The following EML6 variants were observed in gnomAD, a reference collection of about 807,000 sequenced individuals.
EML6 encodes echinoderm microtubule-associated protein-like 6.
EML6 carries 154 observed loss-of-function variants against 240.1 expected under a neutral mutation model. The ratio of observed to expected loss-of-function variants is 0.64; its 90% CI spans 0.56 to 0.73. The LOEUF (loss-of-function observed/expected upper bound fraction) is 0.73. Among genes scored for constraint, EML6 ranks in the 30% least tolerant of loss-of-function variants. EML6 has a pLI of 0.00. For synonymous variants in EML6, 1,148 were observed against 899.0 expected (o/e 1.28, Z -4.95); for missense variants, 2,964 against 2,474.6 (o/e 1.20, Z -4.20).
intron 32 of EML6, among the ~76,000 whole-genome samples, chr2:54,955,151 C>A (rs1447592338): frequency 6.6e-6 from 1 of 152,238 alleles, no homozygotes; most frequent in Non-Finnish European, 1.5e-5. Flanking sequence ...TGTTCTCATT[C>A]TCTGGTTCAC....
chr2:54,818,141 C>A (rs1668161106), intron 4 of EML6, among the ~76,000 whole-genome samples: 1 of 152,038 alleles, frequency 6.6e-6, no homozygotes, highest in Non-Finnish European at 1.5e-5. Flanking sequence ...GAATTTTGGG[C>A]CTTATCACCT....
intron 2 of EML6, among the ~76,000 whole-genome samples, chr2:54,727,498 C>T (rs1200915659): frequency 1.3e-5 from 2 of 152,232 alleles, no homozygotes; most frequent in African/African-American, 4.8e-5. Context: ...CTGGTGAAGA[C>T]ACTGCACAAA....
Position 54,970,890 on chromosome 2 carries a change from T to C in EML6, c.*795T>C, listed in dbSNP as rs140955839. On this transcript the variant is annotated 3_prime_UTR_variant, in exon 42 of 42. Transcript: ENST00000356458. ...TATGGGAAGGTGAGCAGCAAAGGAATTGAAGTTCGGGACAGGGTAGAATTA... is the reference window on the plus strand; with the variant it reads ...TATGGGAAGGTGAGCAGCAAAGGAACTGAAGTTCGGGACAGGGTAGAATTA... 9.2e-5 allele frequency: 14 copies of C among 152,372 alleles called. No homozygotes were observed. The highest frequency in any genetic ancestry group is 2.4e-4 in the African/African-American group (10 of 41,576). 9.4% of individuals were successfully genotyped at this position (152,372 alleles called of 1,614,324 possible). A position where few individuals can be genotyped will look rare whatever the true frequency, so the allele number is the denominator to read the frequency against.
At chr2:54,763,910 C>T (rs1668076721) in intron 2 of EML6, among the ~76,000 whole-genome samples, 2 of 152,194 alleles carry the variant, frequency 1.3e-5, no homozygotes, top group East Asian at 1.9e-4. Flanking sequence ...TCAAGATCTC[C>T]AGCCCTGAAG....
At chr2:54,854,005 T>A (rs1435033812) in intron 11 of EML6, 150 bp downstream of exon 11, 1 of 495,448 alleles carries the variant, frequency 2.0e-6, no homozygotes, top group African/African-American at 2.0e-5. Flanking sequence ...TTAAATAGAA[T>A]GTGTTGATGT....
intron 40 of EML6, 36 bp from the exon 41 acceptor site, chr2:54,968,632 G>C (rs114778157): frequency 0.028 from 34,681 of 1,243,396 alleles, 620 homozygotes; most frequent in South Asian, 0.031. Flanking sequence ...GAGGAGCCAG[G>C]GTCTCTTAGC....
At chr2:54,877,581 T>C (rs1296577132) in intron 16 of EML6, among the ~76,000 whole-genome samples, 1 of 152,160 alleles carries the variant, frequency 6.6e-6, no homozygotes, top group African/African-American at 2.4e-5. Flanking sequence ...AAAAGTAATG[T>C]TGGTAATGAA....
rs568886900 is a variant in EML6, at chr2:54,774,842, C to G, written c.198-38390C>G. Among the ~76,000 whole-genome samples the G allele has an allele frequency of 6.6e-6, 1 of 152,196 alleles. No homozygotes were observed. ...AGTCAATGCTTCTCCTAATGACTTG[C>G]ATTAGAAAAGATAGTGTTGACATTG... On this transcript the variant is annotated intron_variant, in intron 2 of 41. Transcript: ENST00000356458. The surrounding 1 kb of genome is among the most constrained non-coding windows in gnomAD (Gnocchi z 4.1).
At chr2:54,964,216 G>T in intron 37 of EML6, 58 bp downstream of exon 37, 1 of 1,502,770 alleles carries the variant, frequency 6.7e-7, no homozygotes, top group East Asian at 2.5e-5. Flanking sequence ...GCTTACCAGT[G>T]GTTCCCATTC....
intron 5 of EML6, among the ~76,000 whole-genome samples, chr2:54,820,693 A>G (rs59015634): frequency 0.043 from 6,616 of 152,282 alleles, 482 homozygotes; most frequent in African/African-American, 0.15. Flanking sequence ...GCAGCTGAAA[A>G]GGAAATTTTA....
chr2:54,963,846 T>C (rs769410803), intron 36 of EML6, 140 bp from the exon 37 acceptor site: 2 of 715,368 alleles, frequency 2.8e-6, no homozygotes, highest in Non-Finnish European at 4.5e-6. Context: ...TTCAGGGACA[T>C]TTACTCTAAG....
chr2:54,724,957 G>T lies in EML6; in HGVS notation c.-105G>T. ...CCTGTGTGTCGCCGCGGAAATCAGC[G>T]CCCTGCGCCGCGCGCTGAGCCCCTG... On this transcript the variant is annotated 5_prime_UTR_variant, in exon 2 of 42. Transcript: ENST00000356458. The surrounding 1 kb of genome is among the most constrained non-coding windows in gnomAD (Gnocchi z 5.2). 2 of 955,670 alleles carry T rather than the reference G, an allele frequency of 2.1e-6. No homozygotes were observed. Among genetic ancestry groups the T allele is most frequent in the Non-Finnish European group, 2.7e-6 (2 of 737,622 alleles). 59.2% of individuals were successfully genotyped at this position (955,670 alleles called of 1,614,324 possible). A position where few individuals can be genotyped will look rare whatever the true frequency, so the allele number is the denominator to read the frequency against.
At chr2:54,767,168 G>C (rs1668217692) in intron 2 of EML6, among the ~76,000 whole-genome samples, 1 of 152,018 alleles carries the variant, frequency 6.6e-6, no homozygotes, top group African/African-American at 2.4e-5. Context: ...GAAGCATCTT[G>C]AATACTATTT....
chr2:54,899,221 A>G (rs944940560), intron 21 of EML6, among the ~76,000 whole-genome samples: 1 of 152,260 alleles, frequency 6.6e-6, no homozygotes, highest in Non-Finnish European at 1.5e-5. Context: ...ATCTTTTAGA[A>G]TATGATTTAA....
At chr2:54,936,312 G>C (rs2104425569) in intron 28 of EML6, among the ~76,000 whole-genome samples, 1 of 152,304 alleles carries the variant, frequency 6.6e-6, no homozygotes, top group Non-Finnish European at 1.5e-5. Context: ...CATATGAGCT[G>C]ACCAGGTATT....
At chr2:54,834,519 A>G (rs1669034454) in intron 7 of EML6, among the ~76,000 whole-genome samples, 1 of 152,242 alleles carries the variant, frequency 6.6e-6, no homozygotes, top group Non-Finnish European at 1.5e-5. Context: ...GTAAACATTT[A>G]TTAAACATCC....
At chr2:54,847,110 A>G (rs1572994492) in intron 8 of EML6, among the ~76,000 whole-genome samples, 3 of 146,058 alleles carry the variant, frequency 2.1e-5, no homozygotes, top group African/African-American at 7.6e-5. Flanking sequence ...GTCTCATTAT[A>G]TTGCCCAGGC....
chr2:54,743,663 G>T (rs1029498406), intron 2 of EML6, among the ~76,000 whole-genome samples: 39 of 152,058 alleles, frequency 2.6e-4, no homozygotes, highest in African/African-American at 8.9e-4. Flanking sequence ...AGCTAGAGTT[G>T]TAGTCTCTAA....
intron 7 of EML6, among the ~76,000 whole-genome samples, chr2:54,834,857 T>G (rs1386362678): frequency 2.0e-5 from 3 of 152,230 alleles, no homozygotes; most frequent in African/African-American, 7.2e-5. Context: ...CTTTGTAAGT[T>G]GCATTCCTGC....
Sources: allele counts gnomAD v4.1 joint callset (sites outside exome capture counted in the v4.1 genomes callset), GRCh38; gene constraint gnomAD v4.1.1; non-coding constraint Gnocchi (gnomAD v3.1); transcripts MANE v1.5; gene names NCBI Gene and HGNC (gene_info 2026-07-23, HGNC 2026-07-21).